SLC24A2: variants seen among roughly 807,000 people sequenced by gnomAD.
The protein encoded by SLC24A2 is sodium/potassium/calcium exchanger 2.
SLC24A2 carries 36 observed loss-of-function variants against 62.0 expected under a neutral mutation model. The ratio of observed to expected loss-of-function variants is 0.58; its 90% CI spans 0.44 to 0.77. The LOEUF is 0.77. Among genes scored for constraint, SLC24A2 ranks in the 30% least tolerant of loss-of-function variants. The pLI, the probability that SLC24A2 is intolerant of heterozygous loss-of-function variation, is 0.00. For missense variants in SLC24A2, 846 were observed against 817.9 expected, an observed-to-expected ratio of 1.03 and a Z score of -0.42; for synonymous variants, 358 against 294.0, an observed-to-expected ratio of 1.22 and a Z score of -2.23.
the SLC24A2 span, among the ~76,000 whole-genome samples, chr9:20,023,058 C>T: frequency 1.3e-5 from 2 of 152,152 alleles, no homozygotes; most frequent in Non-Finnish European, 1.5e-5. Context: ...GAAAATGACA[C>T]TGTGCATCTA....
chr9:19,898,480 C>T, the SLC24A2 span, among the ~76,000 whole-genome samples: 4 of 152,140 alleles, frequency 2.6e-5, no homozygotes, highest in East Asian at 1.9e-4. Flanking sequence ...CGGTGGCTCA[C>T]GCCTGTAATT....
At chr9:19,664,184 C>T (rs1490129189) in intron 2 of SLC24A2, among the ~76,000 whole-genome samples, 4 of 152,166 alleles carry the variant, frequency 2.6e-5, no homozygotes, top group African/African-American at 9.7e-5. Flanking sequence ...TCTGTATATC[C>T]TGCTATAAAG....
At chr9:20,132,281 T>C in the SLC24A2 span, among the ~76,000 whole-genome samples, 1 of 151,800 alleles carries the variant, frequency 6.6e-6, no homozygotes, top group South Asian at 2.1e-4. Context: ...AACCGAGAAT[T>C]AGAGAAAAGT....
At chr9:20,142,175 T>A in the SLC24A2 span, among the ~76,000 whole-genome samples, 153 of 152,228 alleles carry the variant, frequency 1.0e-3, 1 homozygote, top group South Asian at 8.7e-3. Context: ...ATTCTTACTG[T>A]ATGTTAACAG....
the SLC24A2 span, among the ~76,000 whole-genome samples, chr9:20,114,396 T>A: frequency 6.6e-5 from 10 of 152,190 alleles, no homozygotes; most frequent in African/African-American, 2.4e-4. Context: ...ACTAGTCCTA[T>A]GCTAAAGGCT....
chr9:19,791,181 T>C (rs79329378), upstream of SLC24A2, among the ~76,000 whole-genome samples: 1 of 152,232 alleles, frequency 6.6e-6, no homozygotes, highest in Non-Finnish European at 1.5e-5. Flanking sequence ...TCTTTCTTAA[T>C]GTATGGCTTT....
At chr9:20,272,189 T>A in the SLC24A2 span, among the ~76,000 whole-genome samples, 1 of 152,166 alleles carries the variant, frequency 6.6e-6, no homozygotes, top group Non-Finnish European at 1.5e-5. Flanking sequence ...AAACCAGTAA[T>A]TTGGGAGAAG....
the SLC24A2 span, among the ~76,000 whole-genome samples, chr9:20,135,188 G>A: frequency 1.3e-5 from 2 of 152,074 alleles, no homozygotes; most frequent in Admixed American, 6.6e-5. Flanking sequence ...AACTGATTTA[G>A]CAACAATTAT....
At chr9:19,696,537 G>A (rs1035928638) in intron 2 of SLC24A2, among the ~76,000 whole-genome samples, 1 of 152,162 alleles carries the variant, frequency 6.6e-6, no homozygotes, top group Admixed American at 6.5e-5. Flanking sequence ...TGTATTCAGA[G>A]AACTTTGAGT....
At chr9:19,784,947 T>C (rs546368342) in intron 2 of SLC24A2, among the ~76,000 whole-genome samples, 9 of 152,004 alleles carry the variant, frequency 5.9e-5, no homozygotes, top group South Asian at 2.1e-4. Flanking sequence ...TTGAACAAAA[T>C]CTTTCACCCC....
intron 2 of SLC24A2, among the ~76,000 whole-genome samples, chr9:19,725,492 A>G (rs940850824): frequency 6.6e-6 from 1 of 152,162 alleles, no homozygotes; most frequent in Non-Finnish European, 1.5e-5. Context: ...GAATGTTTTG[A>G]TAAAAACTTT....
the SLC24A2 span, among the ~76,000 whole-genome samples, chr9:20,282,379 G>A: frequency 6.6e-6 from 1 of 152,110 alleles, no homozygotes; most frequent in Admixed American, 6.5e-5. Flanking sequence ...ATTTGAAAGG[G>A]AGACAAAATC....
chr9:19,935,004 C>A, the SLC24A2 span, among the ~76,000 whole-genome samples: 1 of 152,078 alleles, frequency 6.6e-6, no homozygotes, highest in Non-Finnish European at 1.5e-5. Flanking sequence ...CGATTTCTTT[C>A]TGTGGGGGCC....
the SLC24A2 span, among the ~76,000 whole-genome samples, chr9:20,185,747 T>C: frequency 6.6e-6 from 1 of 152,054 alleles, no homozygotes; most frequent in African/African-American, 2.4e-5. Flanking sequence ...CCTGATAATT[T>C]GCATTTTAAA....
At chr9:20,298,448 T>C in the SLC24A2 span, among the ~76,000 whole-genome samples, 1 of 152,168 alleles carries the variant, frequency 6.6e-6, no homozygotes, top group African/African-American at 2.4e-5. Flanking sequence ...TGGCTGGTCT[T>C]GAACTCCTGA....
intron 4 of SLC24A2, among the ~76,000 whole-genome samples, chr9:19,613,097 T>A (rs564031375): frequency 6.6e-6 from 1 of 152,180 alleles, no homozygotes; most frequent in South Asian, 2.1e-4. Context: ...CTATTGCCAA[T>A]AGTGATAATG....
At chr9:19,650,547 G>C (rs1818769945) in intron 2 of SLC24A2, among the ~76,000 whole-genome samples, 1 of 152,198 alleles carries the variant, frequency 6.6e-6, no homozygotes, top group Non-Finnish European at 1.5e-5. Context: ...GAAACAGCTT[G>C]GGTGTGATGA....
intron 8 of SLC24A2, among the ~76,000 whole-genome samples, chr9:19,534,817 A>G (rs1488098169): frequency 2.6e-5 from 4 of 152,322 alleles, no homozygotes; most frequent in African/African-American, 9.6e-5. Flanking sequence ...CACAATAAAC[A>G]TATGTGTACA....
At chr9:19,827,867 C>G in the SLC24A2 span, among the ~76,000 whole-genome samples, 1 of 152,098 alleles carries the variant, frequency 6.6e-6, no homozygotes, top group African/African-American at 2.4e-5. Flanking sequence ...CTGGAATCAC[C>G]CATATATAAG....
Sources: gnomAD v4.1 joint callset for allele counts (sites outside exome capture counted in the v4.1 genomes callset) on GRCh38, gnomAD v4.1.1 for gene constraint, MANE v1.5 for transcripts, NCBI Gene and HGNC (gene_info 2026-07-23, HGNC 2026-07-21) for gene names.